The following PTPN22 variants were observed in gnomAD, a reference collection of about 807,000 sequenced individuals.
PTPN22 encodes the protein protein tyrosine phosphatase non-receptor type 22.
Under a neutral mutation model 103.3 loss-of-function variants are expected in PTPN22, and 85 were observed. The observed-to-expected ratio is 0.82, with a 90% confidence interval of 0.69 to 0.99. PTPN22 has a LOEUF of 0.99. Among genes scored for constraint, PTPN22 ranks in the 50% least tolerant of loss-of-function variants. The probability of loss-of-function intolerance (pLI) is 0.00; values close to 1 mark genes in which losing one functional copy is unlikely to be tolerated. For synonymous variants in PTPN22, 323 were observed against 310.2 expected, an observed-to-expected ratio of 1.04 and a Z score of -0.43; for missense variants, 865 against 936.9, an observed-to-expected ratio of 0.92 and a Z score of 1.00.
At chr1:113,838,309 T>G (rs760424319) in exon 13 of PTPN22, 9 of 1,612,864 alleles carry the variant, frequency 5.6e-6, no homozygotes, top group Non-Finnish European at 7.6e-6. Flanking sequence ...TAGCTCTTCT[T>G]TTGCACTTAT....
chr1:113,831,683 T>C (rs1662563932), intron 16 of PTPN22, among the ~76,000 whole-genome samples: 3 of 152,208 alleles, frequency 2.0e-5, no homozygotes, highest in South Asian at 4.1e-4. Context: ...TCTCTGTCTA[T>C]ACAAATTATT....
At position 113,822,913 on chromosome 1, in the gene PTPN22, C is replaced by T. The variant is rs1008386567; in HGVS notation, c.2281+2229G>A. ...GGGGGAGGTTGCAGTGAGCCGAGAT[C>T]GCATCATTTCACTCCAGCCTGGGCG... On this transcript the variant is annotated intron_variant, in intron 19 of 20. Coordinates refer to ENST00000359785, the Ensembl canonical transcript of PTPN22. Among the ~76,000 whole-genome samples the T allele has an allele frequency of 3.2e-4, 49 of 152,114 alleles. 1 individual carries two copies. Among genetic ancestry groups the T allele is most frequent in the Admixed American group, 3.9e-4 (6 of 15,252 alleles).
At chr1:113,850,230 AAGG>A (rs1558043418) in intron 10 of PTPN22, among the ~76,000 whole-genome samples, 14 of 146,162 alleles carry the variant, frequency 9.6e-5, no homozygotes, top group African/African-American at 3.6e-4. Flanking sequence ...GGAAGGAAGG[AAGG>A]AAGGAAGGAA....
intron 16 of PTPN22, among the ~76,000 whole-genome samples, chr1:113,830,820 G>A (rs1662482692): frequency 6.6e-6 from 1 of 152,106 alleles, no homozygotes; most frequent in Non-Finnish European, 1.5e-5. Flanking sequence ...ATGGTGCTGA[G>A]TATTACTATT....
intron 1 of PTPN22, among the ~76,000 whole-genome samples, chr1:113,861,342 G>A (rs777430837): frequency 3.2e-4 from 48 of 152,238 alleles, no homozygotes; most frequent in Non-Finnish European, 5.6e-4. Flanking sequence ...CCAGGTTCAA[G>A]CAATTCTCAT....
chr1:113,835,390 C>T (rs1571374992), intron 13 of PTPN22, among the ~76,000 whole-genome samples: 1 of 151,990 alleles, frequency 6.6e-6, no homozygotes, highest in Non-Finnish European at 1.5e-5. Context: ...TGGTGGCGGG[C>T]CCCTGTAGTC....
At chr1:113,837,519 GA>G in intron 13 of PTPN22, 70 bp downstream of exon 13, 1 of 1,119,144 alleles carries the variant, frequency 8.9e-7, no homozygotes. Context: ...GGGAAGAGGA[GA>G]AGAAACCAAC....
chr1:113,839,387 C>CT lies in PTPN22; in HGVS notation c.916-768dup, dbSNP rs142785673. Among the ~76,000 whole-genome samples, 344 of 144,338 alleles carry CT rather than the reference C, an allele frequency of 2.4e-3. 1 individual carries two copies. Among genetic ancestry groups the CT allele is most frequent in the Admixed American group, 3.9e-3 (56 of 14,258 alleles). 94.7% of individuals were successfully genotyped at this position (144,338 alleles called of 152,430 possible). A position where few individuals can be genotyped will look rare whatever the true frequency, so the allele number is the denominator to read the frequency against. On this transcript the variant is annotated intron_variant, in intron 11 of 20. Coordinates refer to ENST00000359785, the Ensembl canonical transcript of PTPN22. ...GTGTACCACAGTGCCTGGCCTCAAT[C>CT]TTTTTTTTTTTTTTTGAATTAAGTT...
intron 11 of PTPN22, among the ~76,000 whole-genome samples, chr1:113,844,055 T>A (rs1663835665): frequency 6.6e-6 from 1 of 152,086 alleles, no homozygotes; most frequent in Non-Finnish European, 1.5e-5. Context: ...ACATAGCTCC[T>A]ATTTCATTCC....
intron 1 of PTPN22, among the ~76,000 whole-genome samples, chr1:113,865,317 G>GA (rs1666029377): frequency 6.6e-6 from 1 of 151,964 alleles, no homozygotes; most frequent in Non-Finnish European, 1.5e-5. Context: ...AGTTATATCA[G>GA]AAAAAAAGTC....
At chr1:113,822,524 G>A (rs1446414757) in intron 19 of PTPN22, among the ~76,000 whole-genome samples, 1 of 152,082 alleles carries the variant, frequency 6.6e-6, no homozygotes. Context: ...CTGCATCTAA[G>A]ATGGCTTCCC....
At chr1:113,818,679 A>G (rs1010111243) in intron 20 of PTPN22, among the ~76,000 whole-genome samples, 6 of 152,208 alleles carry the variant, frequency 3.9e-5, no homozygotes, top group African/African-American at 1.4e-4. Context: ...CTGCCCAGCA[A>G]TATTACATTT....
chr1:113,826,693 G>A (rs1219484097), intron 18 of PTPN22, among the ~76,000 whole-genome samples: 3 of 109,254 alleles, frequency 2.7e-5, no homozygotes, highest in African/African-American at 3.9e-5. Flanking sequence ...TTTTTGAGAC[G>A]GAGTCTCGCT....
Position 113,868,808 on chromosome 1 carries a change from C to G in PTPN22, c.87+2729G>C, listed in dbSNP as rs564679036. Among the ~76,000 whole-genome samples the G allele has an allele frequency of 5.3e-5, 8 of 152,040 alleles. No individual in the cohort carries two copies. The Middle Eastern group carries it at 0.01, about 194-fold the overall frequency. On this transcript the variant is annotated intron_variant, in intron 1 of 20. Transcript: ENST00000359785. ...AGTTTCTTGACTTGGGTAGTGGTTG[C>G]ACTGCTAATGGTTGCTTTATAATTA...
intron 18 of PTPN22, among the ~76,000 whole-genome samples, chr1:113,826,773 C>T (rs957740322): frequency 1.2e-4 from 17 of 146,226 alleles, no homozygotes; most frequent in African/African-American, 4.0e-4. Context: ...GGGTTCACGC[C>T]ATTCTCCTGC....
intron 11 of PTPN22, among the ~76,000 whole-genome samples, chr1:113,843,452 A>T (rs1354252435): frequency 1.3e-5 from 2 of 152,192 alleles, no homozygotes; most frequent in African/African-American, 4.8e-5. Context: ...ATACTATATG[A>T]TTCCACCCAT....
intron 18 of PTPN22, among the ~76,000 whole-genome samples, chr1:113,828,641 A>AT (rs1450838613): frequency 1.3e-5 from 2 of 151,978 alleles, no homozygotes; most frequent in African/African-American, 4.8e-5. Context: ...ATGCCATTTT[A>AT]TATTTATATT....
chr1:113,866,655 G>A (rs531195577), intron 1 of PTPN22, among the ~76,000 whole-genome samples: 1 of 151,952 alleles, frequency 6.6e-6, no homozygotes. Flanking sequence ...GAAAATATGA[G>A]AACACAAAAT....
intron 10 of PTPN22, among the ~76,000 whole-genome samples, chr1:113,850,230 AAGGAAGGAAGG>A (rs1558043428): frequency 1.2e-4 from 18 of 146,162 alleles, no homozygotes; most frequent in African/African-American, 4.6e-4. Flanking sequence ...GGAAGGAAGG[AAGGAAGGAAGG>A]AAGGAAGGAA....
Sources: allele counts gnomAD v4.1 joint callset (sites outside exome capture counted in the v4.1 genomes callset), GRCh38; gene constraint gnomAD v4.1.1; transcripts MANE v1.5; gene names NCBI Gene and HGNC (gene_info 2026-07-23, HGNC 2026-07-21).